The following COPRS variants were observed in gnomAD, a reference collection of about 807,000 sequenced individuals.
COPRS encodes the protein cooperator of PRMT5.
Under a neutral mutation model 19.9 loss-of-function variants are expected in COPRS, and 11 were observed. The ratio of observed to expected loss-of-function variants is 0.55; its 90% CI spans 0.35 to 0.92. The LOEUF (loss-of-function observed/expected upper bound fraction) is 0.92, where lower values mean the gene tolerates loss of function less well. COPRS is among the 40% of genes least tolerant of loss of function. The probability of loss-of-function intolerance (pLI) is 0.01; values close to 1 mark genes in which losing one functional copy is unlikely to be tolerated. For missense variants in COPRS, 225 were observed against 229.9 expected, an observed-to-expected ratio of 0.98 and a Z score of 0.14; for synonymous variants, 81 against 82.7, an observed-to-expected ratio of 0.98 and a Z score of 0.11.
At chr17:31,854,555 A>T (rs1909270182) in intron 2 of COPRS, among the ~76,000 whole-genome samples, 1 of 152,306 alleles carries the variant, frequency 6.6e-6, no homozygotes, top group South Asian at 2.1e-4. Context: ...AGGTAGACAC[A>T]ACATCAAATG....
rs1909193343 is a variant in COPRS, at chr17:31,852,393, AG to A, written c.386-86del. ...AACGGACAGCCAAAAAGGTATGTCT[AG>A]GGGACAGATCCTTGCACTTATTTTG... On this transcript the variant is annotated intron_variant, in intron 3 of 3. Transcript: ENST00000302362. 3 of 1,006,850 alleles carry A rather than the reference AG, an allele frequency of 3.0e-6. No homozygotes were observed. In the East Asian group the frequency reaches 7.2e-5, roughly 24 times the overall value. 62.4% of individuals were successfully genotyped at this position (1,006,850 alleles called of 1,614,324 possible). A position where few individuals can be genotyped will look rare whatever the true frequency, so the allele number is the denominator to read the frequency against.
chr17:31,856,506 C>CG (rs376433427), intron 2 of COPRS: 165 of 400,954 alleles, frequency 4.1e-4, no homozygotes, highest in Admixed American at 6.5e-4. Context: ...TCCATTGGGG[C>CG]GGGGGGGTCT....
At chr17:31,854,252 C>G (rs938854265) in intron 2 of COPRS, among the ~76,000 whole-genome samples, 1 of 149,482 alleles carries the variant, frequency 6.7e-6, no homozygotes, top group African/African-American at 2.5e-5. Context: ...CACCTGTAAT[C>G]CCAGCTACTC....
rs1909368679 is a variant in COPRS, at chr17:31,856,783, T to G, written c.166+16A>C. On this transcript the variant is annotated intron_variant, in intron 2 of 3. Transcript: ENST00000302362. ...ATCCTTGGTCTCCCCAACTTCCGTCTCTGCCATCTACTTGCCTAGTCGATC... is the reference window on the plus strand; with the variant it reads ...ATCCTTGGTCTCCCCAACTTCCGTCGCTGCCATCTACTTGCCTAGTCGATC... 6.5e-7 allele frequency: 1 copy of G among 1,540,692 alleles called. No homozygotes were observed. The highest frequency in any genetic ancestry group is 1.1e-5 in the South Asian group (1 of 89,618).
intron 1 of COPRS, chr17:31,858,894 G>A (rs878867984): frequency 1.3e-6 from 2 of 1,520,290 alleles, no homozygotes; most frequent in African/African-American, 1.4e-5. Flanking sequence ...CCACGCCCTC[G>A]GCTTTCCCCG....
chr17:31,858,439 T>C (rs1909427979), intron 1 of COPRS: 1 of 983,240 alleles, frequency 1.0e-6, no homozygotes, highest in South Asian at 4.7e-5. Flanking sequence ...TGCCAGGCAC[T>C]ATGCTAGGCT....
rs1437723036 is a variant in COPRS, at chr17:31,856,845, G to T, written c.120C>A (p.Asp40Glu). The change falls in exon 2 of 4, where the codon GAC becomes GAA. Residue 40 changes from aspartate to glutamate, a missense_variant. Asp to Glu is a conservative substitution (Grantham distance 45). Coordinates refer to ENST00000302362, the MANE Select transcript of COPRS (RefSeq NM_018405.4). ...CAGTCTCTCTCTCCTGACTGGAGTGGTCAGCTGTAGCAAAGCCAGCCTGCA... is the reference window on the plus strand; with the variant it reads ...CAGTCTCTCTCTCCTGACTGGAGTGTTCAGCTGTAGCAAAGCCAGCCTGCA... ...PSPEAGFATA[D>E]HSSQERETEK... The T allele has an allele frequency of 3.1e-6, 5 of 1,606,082 alleles. No individual in the cohort carries two copies. Among genetic ancestry groups the T allele is most frequent in the Non-Finnish European group, 4.3e-6 (5 of 1,173,636 alleles).
chr17:31,853,162 C>G, intron 2 of COPRS, 132 bp from the exon 3 acceptor site: 1 of 701,010 alleles, frequency 1.4e-6, no homozygotes, highest in Non-Finnish European at 2.5e-6. Flanking sequence ...CCACCGAGCA[C>G]TTTTTTAAAA....
rs1175630475 is a variant in COPRS at position 31,853,039 on chromosome 17, A to C, written c.167-9T>G. ...GCTCTGTGTTCCACGGGCTAAATTG[A>C]CAAAGAGAAGATGGCCTTAGTGACA... On this transcript the variant is annotated splice_polypyrimidine_tract_variant and intron_variant, in intron 2 of 3. Transcript: ENST00000302362. The C allele has an allele frequency of 1.0e-5, 16 of 1,606,992 alleles. No individual in the cohort carries two copies. The highest frequency in any genetic ancestry group is 1.4e-5 in the Non-Finnish European group (16 of 1,173,646).
At chr17:31,852,371 G>A (rs539982125) in intron 3 of COPRS, 63 bp from the exon 4 acceptor site, 135 of 1,360,772 alleles carry the variant, frequency 9.9e-5, no homozygotes, top group Middle Eastern at 5.7e-4. Flanking sequence ...AGGTAAAAAC[G>A]GACAGCCAAA....
At chr17:31,852,754 G>T in intron 3 of COPRS, 58 bp downstream of exon 3, 1 of 1,256,272 alleles carries the variant, frequency 8.0e-7, no homozygotes, top group Non-Finnish European at 1.2e-6. Flanking sequence ...TTCAGGGCTG[G>T]TCTGACAGGT....
intron 3 of COPRS, 86 bp downstream of exon 3, chr17:31,852,725 AC>A (rs1457596717): frequency 4.5e-6 from 4 of 887,918 alleles, no homozygotes; most frequent in South Asian, 2.6e-5. Context: ...ATAGATGTGG[AC>A]CCCTGTTCCA....
At chr17:31,857,363 C>T (rs1909393539) in intron 1 of COPRS, among the ~76,000 whole-genome samples, 1 of 152,298 alleles carries the variant, frequency 6.6e-6, no homozygotes, top group Non-Finnish European at 1.5e-5. Context: ...TAGCTGTTCC[C>T]TGCGGTTGCC....
At chr17:31,857,763 GT>G (rs1382429692) in intron 1 of COPRS, among the ~76,000 whole-genome samples, 1 of 152,194 alleles carries the variant, frequency 6.6e-6, no homozygotes, top group Non-Finnish European at 1.5e-5. Flanking sequence ...AGGGGTGACT[GT>G]TCTGACCCTG....
At chr17:31,852,416 T>A (rs1312182791) in intron 3 of COPRS, 108 bp from the exon 4 acceptor site, 2 of 820,924 alleles carry the variant, frequency 2.4e-6, no homozygotes, top group Non-Finnish European at 3.9e-6. Flanking sequence ...TTGCACTTAT[T>A]TTGTTTAAAA....
intron 2 of COPRS, chr17:31,856,506 CG>C (rs376433427): frequency 3.0e-5 from 12 of 400,822 alleles, no homozygotes; most frequent in Admixed American, 9.3e-5. Flanking sequence ...TCCATTGGGG[CG>C]GGGGGGTCTT....
rs1345833574 is a variant in COPRS at position 31,851,994 on chromosome 17, C to T, written c.*145G>A. 6.0e-6 allele frequency: 5 copies of T among 828,960 alleles called. No individual in the cohort carries two copies. The East Asian group carries it at 1.3e-4, about 22-fold the overall frequency. 51.4% of individuals were successfully genotyped at this position (828,960 alleles called of 1,614,324 possible). On this transcript the variant is annotated 3_prime_UTR_variant, in exon 4 of 4. Coordinates refer to ENST00000302362, the MANE Select transcript of COPRS (RefSeq NM_018405.4). Reference sequence around the variant, plus strand: ...GCGAGAATGACGGGGCCTTATTGAACACTGTCAATAAGGAACACTGGTCTG... The same window carrying T: ...GCGAGAATGACGGGGCCTTATTGAATACTGTCAATAAGGAACACTGGTCTG...
At chr17:31,857,242 T>C (rs1443617780) in intron 1 of COPRS, among the ~76,000 whole-genome samples, 1 of 152,172 alleles carries the variant, frequency 6.6e-6, no homozygotes, top group Non-Finnish European at 1.5e-5. Context: ...TACCATCAGC[T>C]GGGGCAGTGC....
In COPRS at chr17:31,853,181, CT is replaced by C. The variant is rs1909218005; in HGVS notation, c.167-152del. On this transcript the variant is annotated intron_variant, in intron 2 of 3. Coordinates refer to ENST00000302362, the MANE Select transcript of COPRS (RefSeq NM_018405.4). Reference sequence around the variant, plus strand: ...CGAGCACTTTTTTAAAAATGCACTTCTTTGTATGTTTTTAAAAGAGCTGATA... The same window carrying C: ...CGAGCACTTTTTTAAAAATGCACTTCTTGTATGTTTTTAAAAGAGCTGATA... The C allele has an allele frequency of 7.5e-6, 5 of 668,018 alleles. No individual in the cohort carries two copies. In the South Asian group the frequency reaches 8.2e-5, roughly 11 times the overall value. 41.4% of individuals were successfully genotyped at this position (668,018 alleles called of 1,614,324 possible). A position where few individuals can be genotyped will look rare whatever the true frequency, so the allele number is the denominator to read the frequency against.
Sources: gnomAD v4.1 joint callset for allele counts (sites outside exome capture counted in the v4.1 genomes callset) on GRCh38, gnomAD v4.1.1 for gene constraint, MANE v1.5 for transcripts, NCBI Gene and HGNC (gene_info 2026-07-23, HGNC 2026-07-21) for gene names.